The following LRBA variants were observed in gnomAD, a reference collection of about 807,000 sequenced individuals.
The protein encoded by LRBA is LPS responsive beige-like anchor protein.
Under a neutral mutation model 330.0 loss-of-function variants are expected in LRBA, and 176 were observed. The observed-to-expected ratio is 0.53, with a 90% CI of 0.47 to 0.60. The LOEUF (loss-of-function observed/expected upper bound fraction) is 0.60. Ranked by LOEUF, LRBA falls within the 20% of genes least tolerant of loss-of-function variation. The probability of loss-of-function intolerance (pLI) is 0.00; values close to 1 mark genes in which losing one functional copy is unlikely to be tolerated. For missense variants in LRBA, 3,259 were observed against 3,444.8 expected (o/e 0.95, Z 1.35); for synonymous variants, 1,230 against 1,193.0 (o/e 1.03, Z -0.64).
chr4:150,285,924 C>T lies in LRBA; in HGVS notation c.8119+9G>A. 6.6e-7 allele frequency: 1 copy of T among 1,515,140 alleles called. No homozygotes were observed. The highest frequency in any genetic ancestry group is 1.3e-5 in the South Asian group (1 of 75,670). 93.9% of individuals were successfully genotyped at this position (1,515,140 alleles called of 1,614,324 possible). On this transcript the variant is annotated intron_variant, in intron 54 of 56. Coordinates refer to ENST00000651943, the MANE Select transcript of LRBA (RefSeq NM_001364905.1). The stretch of plus-strand genomic sequence containing the variant: ...ATGCATCCATTTTGTGAAGGTACCA[C>T]AGGTTTACCTTGTGAACCACTCAAC...
rs765639459 is a variant in LRBA, at chr4:150,321,287, C to T, written c.7534G>A (p.Val2512Met). Residue 2512 changes from valine to methionine, a missense_variant, in exon 50 of 57, where the codon GTG becomes ATG. Transcript: ENST00000651943. The surrounding 1 kb of genome is among the most constrained non-coding windows in gnomAD (Gnocchi z 4.5). ...KFPSNSPVTH[V>M]AANTQPGLAT... The stretch of plus-strand genomic sequence containing the variant: ...AAACCAGGCTGGGTGTTGGCTGCCA[C>T]GTGAGTAACAGGGGAGTTGGAGGGA... 3 of 1,611,270 alleles carry T rather than the reference C, an allele frequency of 1.9e-6. No homozygotes were observed. The highest frequency in any genetic ancestry group is 1.1e-5 in the South Asian group (1 of 90,532).
intron 44 of LRBA, among the ~76,000 whole-genome samples, chr4:150,441,217 G>C (rs937258909): frequency 5.3e-5 from 8 of 151,960 alleles, no homozygotes; most frequent in Non-Finnish European, 1.0e-4. Flanking sequence ...TATTAGGAAA[G>C]ACCGTGATTA....
chr4:150,414,455 T>A (rs970605821), intron 47 of LRBA, among the ~76,000 whole-genome samples: 12 of 152,126 alleles, frequency 7.9e-5, no homozygotes, highest in African/African-American at 2.9e-4. Context: ...TAATGTAGAG[T>A]GTGGTAAACA....
At chr4:150,676,976 C>T (rs577022448) in intron 37 of LRBA, among the ~76,000 whole-genome samples, 1 of 152,280 alleles carries the variant, frequency 6.6e-6, no homozygotes, top group Middle Eastern at 3.4e-3. Context: ...TCCTCTTAAT[C>T]TCTGAATCAA....
At chr4:150,463,060 C>T (rs572576535) in intron 44 of LRBA, among the ~76,000 whole-genome samples, 8 of 152,020 alleles carry the variant, frequency 5.3e-5, no homozygotes, top group African/African-American at 1.9e-4. Context: ...TTTATATGTG[C>T]AAAGTACAAT....
chr4:150,356,970 G>T (rs1737929488), intron 47 of LRBA, among the ~76,000 whole-genome samples: 1 of 151,954 alleles, frequency 6.6e-6, no homozygotes, highest in African/African-American at 2.4e-5. Context: ...AGTAAAAATG[G>T]AGGATCAAAG....
At chr4:150,683,186 T>A (rs1783202137) in intron 37 of LRBA, among the ~76,000 whole-genome samples, 1 of 152,076 alleles carries the variant, frequency 6.6e-6, no homozygotes, top group South Asian at 2.1e-4. Flanking sequence ...AAATAAAATG[T>A]TATATACGTA....
intron 44 of LRBA, among the ~76,000 whole-genome samples, chr4:150,466,056 C>T (rs1755411596): frequency 6.6e-6 from 1 of 152,038 alleles, no homozygotes; most frequent in African/African-American, 2.4e-5. Context: ...GAACATGAGG[C>T]ATCACAGGAT....
intron 26 of LRBA, among the ~76,000 whole-genome samples, chr4:150,847,005 G>A (rs1371982240): frequency 6.6e-6 from 1 of 152,086 alleles, no homozygotes; most frequent in African/African-American, 2.4e-5. Context: ...CTAGGAAAGT[G>A]AAAAGCCTTC....
At chr4:150,845,917 C>T (rs762868190) in intron 26 of LRBA, among the ~76,000 whole-genome samples, 1 of 152,128 alleles carries the variant, frequency 6.6e-6, no homozygotes, top group Non-Finnish European at 1.5e-5. Context: ...AAAAATCACA[C>T]CTCATTTCCT....
chr4:150,826,386 G>A (rs1746284355), intron 30 of LRBA, among the ~76,000 whole-genome samples: 1 of 152,130 alleles, frequency 6.6e-6, no homozygotes, highest in South Asian at 2.1e-4. Context: ...ATTTATGGCA[G>A]GAAGAGATAG....
Position 150,414,679 on chromosome 4 carries a change from T to G in LRBA, c.7194+759A>C, listed in dbSNP as rs1452305134. 7.9e-5 allele frequency among the ~76,000 whole-genome samples: 12 copies of G among 151,992 alleles called. No individual in the cohort carries two copies. The East Asian group carries it at 2.1e-3, about 27-fold the overall frequency. On this transcript the variant is annotated intron_variant, in intron 47 of 56. Transcript: ENST00000651943. ...CTAATTTTTGTATTTTTAATAGCAG[T>G]GGGGTTTCACCATGTTGGGCAGGCT...
intron 48 of LRBA, among the ~76,000 whole-genome samples, chr4:150,335,489 G>GTA (rs1379753144): frequency 1.9e-4 from 14 of 74,580 alleles, no homozygotes; most frequent in East Asian, 7.9e-4. Context: ...ATATATGTGT[G>GTA]TGTATATATA....
intron 46 of LRBA, among the ~76,000 whole-genome samples, chr4:150,426,662 T>C (rs767817994): frequency 2.6e-5 from 4 of 151,880 alleles, no homozygotes; most frequent in Non-Finnish European, 5.9e-5. Flanking sequence ...CTAAAGCCAA[T>C]AGGTCATTCA....
chr4:150,753,542 A>G (rs1009888798), intron 35 of LRBA, among the ~76,000 whole-genome samples: 2 of 152,188 alleles, frequency 1.3e-5, no homozygotes, highest in Admixed American at 6.5e-5. Context: ...GTGTAAGGCT[A>G]TGAAACATCT....
intron 34 of LRBA, among the ~76,000 whole-genome samples, chr4:150,762,575 G>C (rs1437438983): frequency 6.6e-6 from 1 of 151,766 alleles, no homozygotes; most frequent in Admixed American, 6.6e-5. Context: ...AGGCCTACAT[G>C]AACTGAAATA....
intron 30 of LRBA, among the ~76,000 whole-genome samples, chr4:150,818,532 C>CTGTGTGTGTGTGTGTGTG (rs74479974): frequency 1.2e-4 from 18 of 145,908 alleles, no homozygotes; most frequent in East Asian, 4.1e-4. Context: ...TGACGAATGT[C>CTGTGTGTGTGTGTGTGTG]TGTGTGTGTG....
At chr4:150,504,711 T>C (rs946972278) in intron 40 of LRBA, among the ~76,000 whole-genome samples, 2 of 152,132 alleles carry the variant, frequency 1.3e-5, no homozygotes, top group African/African-American at 4.8e-5. Context: ...CCAGCTGACA[T>C]CATAATGACA....
chr4:150,541,899 G>C (rs973248164), intron 40 of LRBA, among the ~76,000 whole-genome samples: 1 of 151,804 alleles, frequency 6.6e-6, no homozygotes, highest in Non-Finnish European at 1.5e-5. Flanking sequence ...TGCCCAACCT[G>C]GTCTTGAGCT....
Sources: allele counts gnomAD v4.1 joint callset (sites outside exome capture counted in the v4.1 genomes callset), GRCh38; gene constraint gnomAD v4.1.1; non-coding constraint Gnocchi (gnomAD v3.1); transcripts MANE v1.5; gene names NCBI Gene and HGNC (gene_info 2026-07-23, HGNC 2026-07-21).